The following LDAH variants were observed in gnomAD, a reference collection of about 807,000 sequenced individuals.
The protein encoded by LDAH is lipid droplet associated hydrolase, also known as lipid droplet-associated hydrolase.
LDAH carries 26 observed loss-of-function variants against 29.6 expected under a neutral mutation model. The observed-to-expected ratio is 0.88, with a 90% CI of 0.64 to 1.22. LDAH has a LOEUF of 1.22. LDAH is among the 50% of genes most tolerant of loss of function. The probability of loss-of-function intolerance (pLI) is 0.00; values close to 1 mark genes in which losing one functional copy is unlikely to be tolerated. For synonymous variants in LDAH, 117 were observed against 133.0 expected (o/e 0.88, Z 0.83); for missense variants, 344 against 387.3 (o/e 0.89, Z 0.94).
At chr2:20,723,527 A>T (rs977770552) in intron 5 of LDAH, among the ~76,000 whole-genome samples, 3 of 152,194 alleles carry the variant, frequency 2.0e-5, no homozygotes, top group Admixed American at 6.5e-5. Flanking sequence ...AAATTTTTTC[A>T]TCAGGGAATG....
Position 20,738,375 on chromosome 2 carries a change from T to C in LDAH, c.703+1596A>G, listed in dbSNP as rs1423067532. On this transcript the variant is annotated intron_variant, in intron 5 of 6. Transcript: ENST00000237822. ...AGCAGAACACATCTCCCTATATATATAAGCATTGTACCTAGGGTGGGTGCA... is the reference window on the plus strand; with the variant it reads ...AGCAGAACACATCTCCCTATATATACAAGCATTGTACCTAGGGTGGGTGCA... 2.0e-5 allele frequency among the ~76,000 whole-genome samples: 3 copies of C among 151,918 alleles called. No individual in the cohort carries two copies. In the East Asian group the frequency reaches 5.8e-4, roughly 29 times the overall value.
chr2:20,708,404 A>G (rs1351902713), intron 5 of LDAH, among the ~76,000 whole-genome samples: 1 of 152,228 alleles, frequency 6.6e-6, no homozygotes, highest in African/African-American at 2.4e-5. Flanking sequence ...ACTGTGTCCC[A>G]TAACACAGCT....
chr2:20,699,495 C>G (rs751285405), intron 6 of LDAH, among the ~76,000 whole-genome samples: 19 of 152,128 alleles, frequency 1.2e-4, no homozygotes, highest in African/African-American at 4.1e-4. Context: ...TTGCAATAAA[C>G]TTCCTGTCTC....
intron 6 of LDAH, among the ~76,000 whole-genome samples, chr2:20,688,828 C>CTTTTTTTTTTT (rs57543886): frequency 5.4e-5 from 6 of 112,018 alleles, no homozygotes; most frequent in Non-Finnish European, 5.3e-5. Context: ...TGGAGGTTTC[C>CTTTTTTTTTTT]TTTTTTTTTT....
At chr2:20,745,753 TAATA>T (rs1202565537) in intron 4 of LDAH, among the ~76,000 whole-genome samples, 1 of 152,236 alleles carries the variant, frequency 6.6e-6, no homozygotes, top group Non-Finnish European at 1.5e-5. Flanking sequence ...ACATGATTTA[TAATA>T]AATGATCATA....
chr2:20,774,747 G>C, intron 4 of LDAH, 63 bp downstream of exon 4: 5 of 1,492,424 alleles, frequency 3.4e-6, no homozygotes, highest in Non-Finnish European at 4.6e-6. Context: ...CATAGGAAAG[G>C]TGAGGAGGAT....
At chr2:20,780,892 C>T (rs1038977146) in intron 3 of LDAH, among the ~76,000 whole-genome samples, 4 of 152,076 alleles carry the variant, frequency 2.6e-5, no homozygotes, top group African/African-American at 7.2e-5. Flanking sequence ...CTAGTCATTC[C>T]ATCTTACCTC....
rs927264249 is a variant in LDAH at position 20,733,644 on chromosome 2, T to C, written c.703+6327A>G. Among the ~76,000 whole-genome samples the C allele has an allele frequency of 2.0e-5, 3 of 152,190 alleles. No homozygotes were observed. In the East Asian group the frequency reaches 5.8e-4, roughly 29 times the overall value. ...GTCTTGAACTCCTGGACTCAAGTGA[T>C]CTGCCTACCTTAGCCTCTCAAAGTG... On this transcript the variant is annotated intron_variant, in intron 5 of 6. Transcript: ENST00000237822.
chr2:20,759,681 C>T (rs1168336002), intron 4 of LDAH, among the ~76,000 whole-genome samples: 2 of 152,134 alleles, frequency 1.3e-5, no homozygotes, highest in African/African-American at 4.8e-5. Context: ...CAAAAAGAGG[C>T]AATTTCACAG....
intron 6 of LDAH, among the ~76,000 whole-genome samples, chr2:20,690,691 G>A (rs1476373906): frequency 6.6e-6 from 1 of 152,110 alleles, no homozygotes; most frequent in Non-Finnish European, 1.5e-5. Context: ...GGTGGCACTG[G>A]CGGGGGATGG....
chr2:20,715,076 C>CA (rs1665062195), intron 5 of LDAH, among the ~76,000 whole-genome samples: 1 of 151,970 alleles, frequency 6.6e-6, no homozygotes, highest in Non-Finnish European at 1.5e-5. Flanking sequence ...AGAGACACAA[C>CA]AAAAAAAGAA....
intron 4 of LDAH, among the ~76,000 whole-genome samples, chr2:20,768,223 C>T (rs1056697024): frequency 2.0e-5 from 3 of 152,194 alleles, no homozygotes; most frequent in Non-Finnish European, 2.9e-5. Flanking sequence ...GCCCCCTGCT[C>T]GCCATGTTGC....
chr2:20,707,716 G>A lies in LDAH; in HGVS notation c.704-6064C>T, dbSNP rs184931546. ...TTAGAGGGAATAATCCCTGAATTGA[G>A]AATAGTCACTGTTTCTACCAGTCCA... On this transcript the variant is annotated intron_variant, in intron 5 of 6. Coordinates refer to ENST00000237822, the MANE Select transcript of LDAH (RefSeq NM_021925.4). Among the ~76,000 whole-genome samples the A allele has an allele frequency of 4.9e-4, 75 of 152,340 alleles. 1 individual carries two copies. Among genetic ancestry groups the A allele is most frequent in the African/African-American group, 1.8e-3 (73 of 41,582 alleles).
chr2:20,818,264 C>A (rs949477515), intron 1 of LDAH, among the ~76,000 whole-genome samples: 1 of 152,056 alleles, frequency 6.6e-6, no homozygotes, highest in Non-Finnish European at 1.5e-5. Flanking sequence ...ATATGCAATT[C>A]TCTCAAAACA....
chr2:20,767,804 C>T (rs1405479897), intron 4 of LDAH, among the ~76,000 whole-genome samples: 4 of 152,150 alleles, frequency 2.6e-5, no homozygotes, highest in African/African-American at 7.2e-5. Context: ...AAGCCCTGGG[C>T]TCAGCCAGAG....
intron 6 of LDAH, among the ~76,000 whole-genome samples, chr2:20,691,366 G>C (rs1037502536): frequency 6.6e-6 from 1 of 151,622 alleles, no homozygotes; most frequent in Non-Finnish European, 1.5e-5. Flanking sequence ...TTGTAGAGAC[G>C]AAGTCTCCCT....
chr2:20,812,407 C>A (rs145012894), intron 1 of LDAH, among the ~76,000 whole-genome samples: 428 of 152,326 alleles, frequency 2.8e-3, no homozygotes, highest in African/African-American at 1.0e-2. Flanking sequence ...TTTATATCTA[C>A]TTCTCAAGTT....
At position 20,698,638 on chromosome 2, in the gene LDAH, C is replaced by A. The variant is rs1416851212; in HGVS notation, c.786+2932G>T. On this transcript the variant is annotated intron_variant, in intron 6 of 6. Transcript: ENST00000237822. The surrounding 1 kb of genome is among the most constrained non-coding windows in gnomAD (Gnocchi z 4.4). Reference sequence around the variant, plus strand: ...GAGGTTGCAGTGAGCCGAGATCGTGCCACTGCACTCTAGCCTGGGCGACAG... The same window carrying A: ...GAGGTTGCAGTGAGCCGAGATCGTGACACTGCACTCTAGCCTGGGCGACAG... 6.6e-6 allele frequency among the ~76,000 whole-genome samples: 1 copy of A among 152,030 alleles called. No individual in the cohort carries two copies. The highest frequency in any genetic ancestry group is 6.6e-5 in the Admixed American group (1 of 15,264).
At chr2:20,807,633 C>T (rs1280645416) in intron 1 of LDAH, among the ~76,000 whole-genome samples, 1 of 150,962 alleles carries the variant, frequency 6.6e-6, no homozygotes, top group Non-Finnish European at 1.5e-5. Context: ...TCATAAAATC[C>T]AATAGTCATG....
Sources: gnomAD v4.1 joint callset for allele counts (sites outside exome capture counted in the v4.1 genomes callset) on GRCh38, gnomAD v4.1.1 for gene constraint, Gnocchi (gnomAD v3.1) non-coding constraint, MANE v1.5 for transcripts, NCBI Gene and HGNC (gene_info 2026-07-23, HGNC 2026-07-21) for gene names.